ARHGEF33: variants seen among roughly 807,000 people sequenced by gnomAD.
ARHGEF33 encodes the protein Rho guanine nucleotide exchange factor 33.
Under a neutral mutation model 101.9 loss-of-function variants are expected in ARHGEF33, and 72 were observed. The observed-to-expected ratio is 0.71, with a 90% confidence interval of 0.58 to 0.86. The LOEUF (loss-of-function observed/expected upper bound fraction) is 0.86, where lower values mean the gene tolerates loss of function less well. Ranked by LOEUF, ARHGEF33 falls within the 40% of genes least tolerant of loss-of-function variation. The probability of loss-of-function intolerance (pLI) is 0.00; values close to 1 mark genes in which losing one functional copy is unlikely to be tolerated. For missense variants in ARHGEF33, 1,169 were observed against 1,111.3 expected (o/e 1.05, Z -0.74); for synonymous variants, 499 against 442.5 (o/e 1.13, Z -1.60).
chr2:38,949,058 T>C (rs1470165509), intron 10 of ARHGEF33, among the ~76,000 whole-genome samples: 4 of 152,274 alleles, frequency 2.6e-5, no homozygotes, highest in Non-Finnish European at 4.4e-5. Flanking sequence ...TATCCTTTCA[T>C]AGGGGGCTAG....
intron 8 of ARHGEF33, among the ~76,000 whole-genome samples, chr2:38,936,407 T>G (rs1382739073): frequency 6.6e-6 from 1 of 152,230 alleles, no homozygotes; most frequent in Non-Finnish European, 1.5e-5. Context: ...CCTCCTCCTC[T>G]TTCTGTTTCT....
At chr2:38,919,925 C>G (rs906410652) in intron 3 of ARHGEF33, among the ~76,000 whole-genome samples, 11 of 152,324 alleles carry the variant, frequency 7.2e-5, no homozygotes, top group African/African-American at 2.2e-4. Flanking sequence ...GGTCTGGGAT[C>G]TGGATCTTTC....
chr2:38,890,768 A>C (rs975670722), intron 1 of ARHGEF33, among the ~76,000 whole-genome samples: 1 of 152,208 alleles, frequency 6.6e-6, no homozygotes, highest in Non-Finnish European at 1.5e-5. Context: ...TATTTCATTG[A>C]AGGCTACTTC....
chr2:38,940,778 G>T (rs897727080), intron 9 of ARHGEF33, among the ~76,000 whole-genome samples: 79 of 152,198 alleles, frequency 5.2e-4, no homozygotes, highest in African/African-American at 1.7e-3. Flanking sequence ...TATTGCAGCA[G>T]ACCAGAGTTT....
intron 8 of ARHGEF33, among the ~76,000 whole-genome samples, chr2:38,936,528 G>T (rs1305713350): frequency 6.6e-6 from 1 of 152,126 alleles, no homozygotes; most frequent in African/African-American, 2.4e-5. Flanking sequence ...ATTTTAAAAA[G>T]CTCCTTATAT....
At position 38,966,311 on chromosome 2, in the gene ARHGEF33, T is replaced by C. The variant is rs530103960; in HGVS notation, c.2483+166T>C. ...TCCGGCGGGGTGAAGATGTTTCTCA[T>C]TGTAATATCCCAGAGTAGAAGCAAA... On this transcript the variant is annotated intron_variant, in intron 17 of 17. Coordinates refer to ENST00000409978, the MANE Select transcript of ARHGEF33 (RefSeq NM_001145451.5). 9.8e-5 allele frequency among the ~76,000 whole-genome samples: 15 copies of C among 152,314 alleles called. 1 individual carries two copies. In the East Asian group the frequency reaches 2.7e-3, roughly 27 times the overall value.
At chr2:38,932,010 A>G (rs571611240) in intron 7 of ARHGEF33, among the ~76,000 whole-genome samples, 1 of 152,366 alleles carries the variant, frequency 6.6e-6, no homozygotes, top group East Asian at 1.9e-4. Flanking sequence ...TGGAACAATT[A>G]GGTTTATATA....
At chr2:38,927,771 G>A (rs1406958481) in intron 4 of ARHGEF33, among the ~76,000 whole-genome samples, 1 of 152,202 alleles carries the variant, frequency 6.6e-6, no homozygotes, top group Non-Finnish European at 1.5e-5. Flanking sequence ...GTTTTAAAGA[G>A]ACATGTGGAG....
At chr2:38,953,331 G>A in intron 12 of ARHGEF33, 86 bp downstream of exon 12, 1 of 797,454 alleles carries the variant, frequency 1.3e-6, no homozygotes, top group Non-Finnish European at 2.2e-6. Flanking sequence ...TACAGCGCAT[G>A]CACTGTGCTT....
intron 2 of ARHGEF33, among the ~76,000 whole-genome samples, chr2:38,905,785 T>G (rs1666373819): frequency 6.6e-6 from 1 of 152,164 alleles, no homozygotes; most frequent in African/African-American, 2.4e-5. Context: ...GTGTGCCCTG[T>G]TAGATCAACT....
chr2:38,935,843 C>G lies in ARHGEF33; in HGVS notation c.565+9C>G. 6.5e-7 allele frequency: 1 copy of G among 1,545,784 alleles called. No homozygotes were observed. Among genetic ancestry groups the G allele is most frequent in the Non-Finnish European group, 8.8e-7 (1 of 1,141,506 alleles). ...AGGAATGATGGGTCCTGGTAAGTGACTCTTCTCTTAGTTTTCTTTTCTTCC... is the reference window on the plus strand; with the variant it reads ...AGGAATGATGGGTCCTGGTAAGTGAGTCTTCTCTTAGTTTTCTTTTCTTCC... On this transcript the variant is annotated intron_variant, in intron 8 of 17. Transcript: ENST00000409978.
At chr2:38,957,880 A>T (rs1374223761) in intron 14 of ARHGEF33, 154 bp from the exon 15 acceptor site, 1 of 905,496 alleles carries the variant, frequency 1.1e-6, no homozygotes, top group Admixed American at 2.5e-5. Flanking sequence ...CACCCTATTA[A>T]GCAAAGCAAC....
At chr2:38,929,125 G>A in intron 5 of ARHGEF33, 54 bp downstream of exon 5, 1 of 1,420,394 alleles carries the variant, frequency 7.0e-7, no homozygotes, top group Non-Finnish European at 9.5e-7. Flanking sequence ...CTCAGTAACA[G>A]CAATAGAAAA....
chr2:38,929,580 T>G (rs971337447), intron 5 of ARHGEF33, 129 bp from the exon 6 acceptor site: 3 of 732,422 alleles, frequency 4.1e-6, no homozygotes, highest in African/African-American at 1.8e-5. Flanking sequence ...TGGAAGTAAA[T>G]TTTTTAATCT....
At chr2:38,966,215 A>G in intron 17 of ARHGEF33, 70 bp downstream of exon 17, 2 of 1,506,980 alleles carry the variant, frequency 1.3e-6, no homozygotes, top group Non-Finnish European at 1.8e-6. Flanking sequence ...GGTTTTAACA[A>G]TAATAAGTAT....
intron 2 of ARHGEF33, among the ~76,000 whole-genome samples, chr2:38,918,192 G>A (rs1473944278): frequency 6.6e-6 from 1 of 152,208 alleles, no homozygotes; most frequent in African/African-American, 2.4e-5. Context: ...AGTGAGGAAA[G>A]CACTGAAAGC....
At chr2:38,953,971 C>T (rs1461940423) in intron 12 of ARHGEF33, among the ~76,000 whole-genome samples, 1 of 152,224 alleles carries the variant, frequency 6.6e-6, no homozygotes, top group East Asian at 1.9e-4. Context: ...ATGACACTCC[C>T]TTTTCCATTG....
chr2:38,937,132 C>T (rs1256397502), intron 8 of ARHGEF33: 23 of 487,856 alleles, frequency 4.7e-5, no homozygotes, highest in East Asian at 1.1e-4. Context: ...GTAGCTGGGA[C>T]TACAGGTGCC....
At chr2:38,890,250 C>G (rs1665966420) in intron 1 of ARHGEF33, among the ~76,000 whole-genome samples, 1 of 152,104 alleles carries the variant, frequency 6.6e-6, no homozygotes, top group Non-Finnish European at 1.5e-5. Context: ...TGAAGTTGTT[C>G]TGCATATTAA....
Sources: allele counts gnomAD v4.1 joint callset (sites outside exome capture counted in the v4.1 genomes callset), GRCh38; gene constraint gnomAD v4.1.1; transcripts MANE v1.5; gene names NCBI Gene and HGNC (gene_info 2026-07-23, HGNC 2026-07-21).